Variants in PADI4 observed in about 807,000 individuals in gnomAD.
PADI4 encodes protein-arginine deiminase type-4.
Under a neutral mutation model 75.0 loss-of-function variants are expected in PADI4, and 62 were observed. That is an observed-to-expected ratio of 0.83 (90% CI 0.67 to 1.02). PADI4 has a LOEUF of 1.02. Among genes scored for constraint, PADI4 ranks in the 50% least tolerant of loss-of-function variants. The pLI is 0.00. For missense variants in PADI4, 845 were observed against 850.5 expected, an observed-to-expected ratio of 0.99 and a Z score of 0.08; for synonymous variants, 361 against 348.1, an observed-to-expected ratio of 1.04 and a Z score of -0.41.
Position 17,354,612 on chromosome 1 carries a change from T to C in PADI4, c.1235T>C (p.Val412Ala). The C allele has an allele frequency of 1.9e-6, 3 of 1,614,124 alleles. No homozygotes were observed. The highest frequency in any genetic ancestry group is 2.5e-6 in the Non-Finnish European group (3 of 1,179,986). ...CTGGACTCCTTTGGGAACCTGGAAG[T>C]GAGCCCCCCAGTCACAGTCAGGGGC... ...SGLDSFGNLE[V>A]SPPVTVRGKE... The change falls in exon 11 of 16, where the codon GTG becomes GCG. Residue 412 changes from valine to alanine, a missense_variant. By Grantham distance (64) the Val-to-Ala change is moderately conservative. Coordinates refer to ENST00000375448, the MANE Select transcript of PADI4 (RefSeq NM_012387.3).
chr1:17,358,728 C>T, intron 13 of PADI4, 110 bp from the exon 14 acceptor site: 1 of 720,320 alleles, frequency 1.4e-6, no homozygotes, highest in Admixed American at 2.4e-5. Flanking sequence ...AGAATTATTA[C>T]TGACTCCATT....
At chr1:17,333,260 CT>C (rs1271215044) in intron 2 of PADI4, among the ~76,000 whole-genome samples, 1 of 152,078 alleles carries the variant, frequency 6.6e-6, no homozygotes, top group Non-Finnish European at 1.5e-5. Flanking sequence ...TGGATTTCCA[CT>C]GTCTACAGGG....
chr1:17,346,204 G>A lies in PADI4; in HGVS notation c.1047+65G>A, dbSNP rs180730784. 36 of 1,022,116 alleles carry A rather than the reference G, an allele frequency of 3.5e-5. No individual in the cohort carries two copies. In the East Asian group the frequency reaches 6.3e-4, roughly 18 times the overall value. The allele number at this position is 1,022,116 out of a possible 1,614,324, so 63.3% of individuals were successfully genotyped here. On this transcript the variant is annotated intron_variant, in intron 9 of 15. Coordinates refer to ENST00000375448, the MANE Select transcript of PADI4 (RefSeq NM_012387.3). The surrounding 1 kb of genome is among the most constrained non-coding windows in gnomAD (Gnocchi z 4.3). ...GGGCCAAGAGACACTTGGGGGACCC[G>A]GGCTCCTGGGGTTCAGCCTGGTGCC...
chr1:17,352,150 CAAT>C (rs2074666571), intron 10 of PADI4, among the ~76,000 whole-genome samples: 1 of 142,236 alleles, frequency 7.0e-6, no homozygotes, highest in African/African-American at 2.6e-5. Context: ...GTAGGAGAGG[CAAT>C]CAGGGAGGTG....
intron 11 of PADI4, 83 bp from the exon 12 acceptor site, chr1:17,355,900 C>G: frequency 2.1e-6 from 3 of 1,442,072 alleles, no homozygotes; most frequent in Non-Finnish European, 2.9e-6. Context: ...AGAACCCTGA[C>G]CTTTTTGCCA....
intron 1 of PADI4, among the ~76,000 whole-genome samples, chr1:17,326,314 T>C (rs1212231702): frequency 6.6e-6 from 1 of 152,222 alleles, no homozygotes; most frequent in Non-Finnish European, 1.5e-5. Context: ...CTATTAATTT[T>C]CAGCTTTTAC....
chr1:17,333,195 A>G (rs2074246133), intron 2 of PADI4, among the ~76,000 whole-genome samples: 1 of 152,132 alleles, frequency 6.6e-6, no homozygotes, highest in South Asian at 2.1e-4. Context: ...GGGAGACCAG[A>G]CAGAAGGCTG....
intron 10 of PADI4, among the ~76,000 whole-genome samples, chr1:17,351,845 G>C (rs2074631595): frequency 6.6e-6 from 1 of 151,312 alleles, no homozygotes; most frequent in Admixed American, 6.6e-5. Context: ...GTAGAGCAGA[G>C]CAACCAGGAG....
chr1:17,357,189 A>G (rs1319254100), intron 13 of PADI4, among the ~76,000 whole-genome samples: 2 of 152,180 alleles, frequency 1.3e-5, no homozygotes, highest in African/African-American at 2.4e-5. Flanking sequence ...TTCTTTTGAA[A>G]CGAAGTTTTC....
intron 10 of PADI4, among the ~76,000 whole-genome samples, chr1:17,351,251 A>G (rs1269725711): frequency 1.3e-5 from 2 of 150,778 alleles, no homozygotes; most frequent in East Asian, 2.0e-4. Context: ...GTAGAGCGGA[A>G]TGGAGGGGCT....
chr1:17,340,632 G>A (rs947563988), intron 6 of PADI4, among the ~76,000 whole-genome samples: 1 of 151,832 alleles, frequency 6.6e-6, no homozygotes, highest in African/African-American at 2.4e-5. Context: ...GGATGAGGGT[G>A]GAAGAGACAG....
intron 1 of PADI4, among the ~76,000 whole-genome samples, chr1:17,311,096 C>G (rs933428666): frequency 9.6e-6 from 1 of 103,650 alleles, no homozygotes. Flanking sequence ...GTCTCCGTCT[C>G]AAAAAAAAAA....
At position 17,342,365 on chromosome 1, in the gene PADI4, C is replaced by G; in HGVS notation, c.898C>G (p.Pro300Ala). ...CCGCGTGGCGCCCTGGATCATGACC[C>G]CCAACACCCAGCCCCCGCAGGAGGT... ...VFRVAPWIMT[P>A]NTQPPQEVYA... The change falls in exon 8 of 16, where the codon CCC becomes GCC. Residue 300 changes from proline (P) to alanine (A), a missense_variant. By Grantham distance (27) the Pro-to-Ala change is conservative (BLOSUM62 -1). Transcript: ENST00000375448. The G allele has an allele frequency of 1.2e-6, 2 of 1,613,908 alleles. No homozygotes were observed. Among genetic ancestry groups the G allele is most frequent in the Non-Finnish European group, 1.7e-6 (2 of 1,179,822 alleles).
chr1:17,341,818 G>T, intron 6 of PADI4, 125 bp from the exon 7 acceptor site: 2 of 678,794 alleles, frequency 2.9e-6, no homozygotes, highest in South Asian at 1.9e-5. Flanking sequence ...AGATTTGGCT[G>T]CAAGGGGTTC....
chr1:17,311,532 T>G (rs2073828423), intron 1 of PADI4, among the ~76,000 whole-genome samples: 1 of 151,426 alleles, frequency 6.6e-6, no homozygotes, highest in Admixed American at 6.6e-5. Context: ...CTTCTTTTTT[T>G]TTTTTTTAAA....
intron 8 of PADI4, among the ~76,000 whole-genome samples, chr1:17,343,968 C>T (rs575521234): frequency 6.6e-6 from 1 of 152,132 alleles, no homozygotes; most frequent in Non-Finnish European, 1.5e-5. Context: ...AACTGGGTAA[C>T]AGACAGAGGT....
chr1:17,314,545 C>T (rs1030339556), intron 1 of PADI4, among the ~76,000 whole-genome samples: 6 of 152,196 alleles, frequency 3.9e-5, no homozygotes, highest in Admixed American at 3.3e-4. Flanking sequence ...CCGTCCCATA[C>T]TGAGCAGTTA....
intron 3 of PADI4, among the ~76,000 whole-genome samples, chr1:17,335,062 G>A (rs540605087): frequency 4.0e-4 from 61 of 152,214 alleles, no homozygotes; most frequent in African/African-American, 1.3e-3. Flanking sequence ...AGGATTGCTC[G>A]AGCCCAGAAG....
At chr1:17,344,226 T>A (rs1309060206) in intron 8 of PADI4, among the ~76,000 whole-genome samples, 4 of 152,156 alleles carry the variant, frequency 2.6e-5, no homozygotes. Context: ...AACTTTGAAC[T>A]TGAGAGAGAT....
Sources: gnomAD v4.1 joint callset for allele counts (sites outside exome capture counted in the v4.1 genomes callset) on GRCh38, gnomAD v4.1.1 for gene constraint, Gnocchi (gnomAD v3.1) non-coding constraint, MANE v1.5 for transcripts, NCBI Gene and HGNC (gene_info 2026-07-23, HGNC 2026-07-21) for gene names.